The following CCSER1 variants were observed in gnomAD, a reference collection of about 807,000 sequenced individuals.
CCSER1 encodes coiled-coil serine rich protein 1.
Under a neutral mutation model 82.0 loss-of-function variants are expected in CCSER1, and 41 were observed. The observed-to-expected ratio is 0.50, with a 90% confidence interval of 0.39 to 0.65. The LOEUF (loss-of-function observed/expected upper bound fraction) is 0.65, where lower values mean the gene tolerates loss of function less well. Ranked by LOEUF, CCSER1 falls within the 30% of genes least tolerant of loss-of-function variation. The probability of loss-of-function intolerance (pLI) is 0.00; values close to 1 mark genes in which losing one functional copy is unlikely to be tolerated. For missense variants in CCSER1, 1,119 were observed against 1,064.2 expected (o/e 1.05, Z -0.72); for synonymous variants, 414 against 383.9 (o/e 1.08, Z -0.92).
At chr4:90,392,350 T>C (rs1217119637) in intron 3 of CCSER1, among the ~76,000 whole-genome samples, 1 of 152,072 alleles carries the variant, frequency 6.6e-6, no homozygotes, top group Non-Finnish European at 1.5e-5. Flanking sequence ...TCATATAAAT[T>C]ATGAATCCAT....
At chr4:91,436,447 C>T (rs1380920203) in intron 10 of CCSER1, among the ~76,000 whole-genome samples, 1 of 152,180 alleles carries the variant, frequency 6.6e-6, no homozygotes, top group Admixed American at 6.5e-5. Context: ...TTTCTCTAAT[C>T]AATCTTGCCT....
chr4:91,121,542 G>A (rs1421434921), intron 10 of CCSER1, among the ~76,000 whole-genome samples: 6 of 151,446 alleles, frequency 4.0e-5, no homozygotes, highest in Admixed American at 4.0e-4. Flanking sequence ...TAAATAAAGT[G>A]AAAAATTTTA....
chr4:91,455,079 A>C (rs1249279321), intron 10 of CCSER1, among the ~76,000 whole-genome samples: 1 of 152,136 alleles, frequency 6.6e-6, no homozygotes, highest in Non-Finnish European at 1.5e-5. Context: ...AAGGAAGCAA[A>C]TATATCTAGG....
chr4:90,215,357 C>G (rs1284780333), intron 1 of CCSER1, among the ~76,000 whole-genome samples: 1 of 152,174 alleles, frequency 6.6e-6, no homozygotes. Flanking sequence ...AAAGTCCTTT[C>G]ACCAAAGTAT....
chr4:90,898,491 T>C lies in CCSER1; in HGVS notation c.2095-24879T>C, dbSNP rs1724100579. ...TTAGTAGAGACGGGGTTTCACTATGTTGGCCAGGTTGGTCTTGAACTCTTG... is the reference window on the plus strand; with the variant it reads ...TTAGTAGAGACGGGGTTTCACTATGCTGGCCAGGTTGGTCTTGAACTCTTG... On this transcript the variant is annotated intron_variant, in intron 8 of 10. Coordinates refer to ENST00000509176, the MANE Select transcript of CCSER1 (RefSeq NM_001145065.2). Among the ~76,000 whole-genome samples, 7 of 151,320 alleles carry C rather than the reference T, an allele frequency of 4.6e-5. 1 individual carries two copies. The South Asian group carries it at 1.5e-3, about 32-fold the overall frequency.
intron 1 of CCSER1, among the ~76,000 whole-genome samples, chr4:90,224,509 C>T (rs892464618): frequency 2.0e-5 from 3 of 152,084 alleles, no homozygotes; most frequent in Admixed American, 2.0e-4. Context: ...CTGTGTTTAT[C>T]GTTTGCTATC....
intron 10 of CCSER1, among the ~76,000 whole-genome samples, chr4:91,146,911 G>T (rs1287819118): frequency 1.3e-5 from 2 of 152,206 alleles, no homozygotes; most frequent in Non-Finnish European, 2.9e-5. Context: ...GGGAAAGGGA[G>T]ACAGAGGGCA....
At chr4:90,477,576 T>G (rs1349209468) in intron 5 of CCSER1, among the ~76,000 whole-genome samples, 1 of 152,194 alleles carries the variant, frequency 6.6e-6, no homozygotes, top group East Asian at 1.9e-4. Context: ...TTTAGATATT[T>G]CCTCAAATTT....
intron 10 of CCSER1, among the ~76,000 whole-genome samples, chr4:91,336,351 A>G (rs1247387991): frequency 3.9e-5 from 6 of 152,132 alleles, no homozygotes; most frequent in Non-Finnish European, 8.8e-5. Context: ...TTAATATTCT[A>G]TAAAGCTATA....
chr4:91,546,842 T>C (rs1578753811), intron 10 of CCSER1, among the ~76,000 whole-genome samples: 1 of 151,998 alleles, frequency 6.6e-6, no homozygotes, highest in Non-Finnish European at 1.5e-5. Flanking sequence ...TTTTCCTTTT[T>C]TCTAATATAT....
chr4:91,251,882 TGTGA>T (rs1409813880), intron 10 of CCSER1, among the ~76,000 whole-genome samples: 2 of 152,124 alleles, frequency 1.3e-5, no homozygotes, highest in East Asian at 3.9e-4. Flanking sequence ...ATCGAATCTG[TGTGA>T]GTAACAGAAG....
At chr4:91,529,800 T>G (rs1360698931) in intron 10 of CCSER1, among the ~76,000 whole-genome samples, 1 of 152,140 alleles carries the variant, frequency 6.6e-6, no homozygotes, top group Non-Finnish European at 1.5e-5. Flanking sequence ...TTCTCTCCTT[T>G]ATTTCATCTC....
intron 3 of CCSER1, among the ~76,000 whole-genome samples, chr4:90,344,904 A>G (rs996985392): frequency 1.3e-5 from 2 of 152,098 alleles, no homozygotes; most frequent in Non-Finnish European, 2.9e-5. Context: ...CAATGAGACT[A>G]CTTTCTCGTT....
At chr4:90,702,981 G>T (rs1403647134) in intron 6 of CCSER1, among the ~76,000 whole-genome samples, 1 of 152,058 alleles carries the variant, frequency 6.6e-6, no homozygotes, top group Admixed American at 6.5e-5. Flanking sequence ...CTTCAGTTCT[G>T]CTCTGATCTT....
At chr4:90,413,551 T>C (rs1043425656) in intron 4 of CCSER1, among the ~76,000 whole-genome samples, 1 of 152,092 alleles carries the variant, frequency 6.6e-6, no homozygotes, top group Admixed American at 6.6e-5. Flanking sequence ...TATAAGGCCA[T>C]AGTCACCAAA....
chr4:91,458,435 T>C (rs1756321521), intron 10 of CCSER1, among the ~76,000 whole-genome samples: 1 of 152,190 alleles, frequency 6.6e-6, no homozygotes, highest in Non-Finnish European at 1.5e-5. Context: ...CTTTGTAGTA[T>C]ATTTTGAAGT....
rs1764872989 is a variant in CCSER1, at chr4:91,603,235, A to G, written c.*4178A>G. The G allele has an allele frequency of 6.6e-6, 1 of 152,096 alleles. No homozygotes were observed. Among genetic ancestry groups the G allele is most frequent in the Non-Finnish European group, 1.5e-5 (1 of 67,980 alleles). The allele number at this position is 152,096 out of a possible 1,614,324, so 9.4% of individuals were successfully genotyped here. A position where few individuals can be genotyped will look rare whatever the true frequency, so the allele number is the denominator to read the frequency against. On this transcript the variant is annotated 3_prime_UTR_variant, in exon 11 of 11. Transcript: ENST00000509176. ...AACAAAACAGCTCTCTTCTTTAATA[A>G]TATTCATCATTGCCAAATGTTTATT... is the stretch of plus-strand genomic sequence containing the variant.
At position 90,352,184 on chromosome 4, in the gene CCSER1, C is replaced by T. The variant is rs906530251; in HGVS notation, c.1509+39137C>T. Reference sequence around the variant, plus strand: ...CTAAAAATACAAAAAATTAGCCGGGCGTGGTGGCGGGCGCCTGTTGTCCCA... The same window carrying T: ...CTAAAAATACAAAAAATTAGCCGGGTGTGGTGGCGGGCGCCTGTTGTCCCA... On this transcript the variant is annotated intron_variant, in intron 3 of 10. Transcript: ENST00000509176. Among the ~76,000 whole-genome samples the T allele has an allele frequency of 9.1e-4, 138 of 151,978 alleles. 1 individual carries two copies. The highest frequency in any genetic ancestry group is 2.3e-3 in the African/African-American group (94 of 41,466).
intron 10 of CCSER1, among the ~76,000 whole-genome samples, chr4:91,404,846 A>G (rs1476447514): frequency 6.6e-6 from 1 of 152,138 alleles, no homozygotes; most frequent in Non-Finnish European, 1.5e-5. Flanking sequence ...AAGTGCAATG[A>G]GGTGATGAGA....
Sources: gnomAD v4.1 joint callset for allele counts (sites outside exome capture counted in the v4.1 genomes callset) on GRCh38, gnomAD v4.1.1 for gene constraint, MANE v1.5 for transcripts, NCBI Gene and HGNC (gene_info 2026-07-23, HGNC 2026-07-21) for gene names.